ZNF229: variants seen among roughly 807,000 people sequenced by gnomAD.
ZNF229 encodes the protein zinc finger protein 229.
In ZNF229, 10 loss-of-function variants were observed where a neutral mutation model predicts 11.8. That is an observed-to-expected ratio of 0.85 (90% CI 0.52 to 1.44). The LOEUF (loss-of-function observed/expected upper bound fraction) is 1.44. ZNF229 is among the 40% of genes most tolerant of loss of function. The pLI, the probability that ZNF229 is intolerant of heterozygous loss-of-function variation, is 0.00. For synonymous variants in ZNF229, 368 were observed against 374.8 expected, an observed-to-expected ratio of 0.98 and a Z score of 0.21; for missense variants, 1,045 against 1,015.1, an observed-to-expected ratio of 1.03 and a Z score of -0.40.
At chr19:44,441,728 C>T (rs984073247) in intron 4 of ZNF229, among the ~76,000 whole-genome samples, 1 of 152,084 alleles carries the variant, frequency 6.6e-6, no homozygotes, top group Admixed American at 6.5e-5. Context: ...ACACATTTGG[C>T]TGTTATGAAT....
rs1028428794 is a variant in ZNF229, at chr19:44,428,612, A to G, written c.2169T>C (p.Tyr723=). 2 of 1,613,664 alleles carry G rather than the reference A, an allele frequency of 1.2e-6. No homozygotes were observed. The highest frequency in any genetic ancestry group is 1.3e-5 in the African/African-American group (1 of 74,718). ...TCCECGKGFR[Y]GSGLLSHKRV... ...TCTTATGACTAAGGAGACCTGAGCC[A>G]TATCTGAAACCCTTCCCACATTCAC... The change falls in exon 6 of 6, where the codon TAT becomes TAC. Residue 723 remains tyrosine (Y), a synonymous_variant. Coordinates refer to ENST00000614049, the MANE Select transcript of ZNF229 (RefSeq NM_014518.4).
In ZNF229 at chr19:44,428,060, T is replaced by G. The variant is rs867389230; in HGVS notation, c.*243A>C. 16 of 462,736 alleles carry G rather than the reference T, an allele frequency of 3.5e-5. No homozygotes were observed. The highest frequency in any genetic ancestry group is 1.2e-4 in the African/African-American group (6 of 51,606). 28.7% of individuals were successfully genotyped at this position (462,736 alleles called of 1,614,324 possible). On this transcript the variant is annotated 3_prime_UTR_variant, in exon 6 of 6. Coordinates refer to ENST00000614049, the MANE Select transcript of ZNF229 (RefSeq NM_014518.4). ...TGAGGATTATTACTGAAACCACTGC[T>G]GCACTGTTTCTTTAAAGCCTACTCC...
Position 44,426,537 on chromosome 19 carries a change from T to C in ZNF229, c.*1766A>G, listed in dbSNP as rs889994314. ...AATTGTTGTTCTAAAACTCTCCTGG[T>C]TCACTAAATACTTCATGAGCAACCT... is the stretch of plus-strand genomic sequence containing the variant. On this transcript the variant is annotated 3_prime_UTR_variant, in exon 6 of 6. Coordinates refer to ENST00000614049, the MANE Select transcript of ZNF229 (RefSeq NM_014518.4). 5 of 152,174 alleles carry C rather than the reference T, an allele frequency of 3.3e-5. No homozygotes were observed. The highest frequency in any genetic ancestry group is 1.2e-4 in the African/African-American group (5 of 41,408). 9.4% of individuals were successfully genotyped at this position (152,174 alleles called of 1,614,324 possible). A position where few individuals can be genotyped will look rare whatever the true frequency, so the allele number is the denominator to read the frequency against.
intron 4 of ZNF229, among the ~76,000 whole-genome samples, chr19:44,438,708 G>A (rs1038813723): frequency 2.0e-5 from 3 of 152,094 alleles, no homozygotes; most frequent in African/African-American, 7.2e-5. Context: ...GAGGAGCTGA[G>A]GGTGAAGTTG....
chr19:44,430,666 A>T, intron 5 of ZNF229, 124 bp from the exon 6 acceptor site: 1 of 871,076 alleles, frequency 1.1e-6, no homozygotes, highest in South Asian at 2.1e-5. Flanking sequence ...CATAACTATT[A>T]GAGCACTTAT....
rs755713702 is a variant in ZNF229, at chr19:44,429,798, C to T, written c.983G>A (p.Arg328Gln). The change falls in exon 6 of 6, where the codon CGG (arginine) becomes CAG (glutamine). Residue 328 changes from arginine to glutamine, a missense_variant. Arg to Gln is a conservative substitution (Grantham distance 43). Transcript: ENST00000614049. ...TATGTGCGTGTTCTGTCTGACGCCCCGACCACGCTCAAGACTCTTAACAGA... is the reference window on the plus strand; with the variant it reads ...TATGTGCGTGTTCTGTCTGACGCCCTGACCACGCTCAAGACTCTTAACAGA... ...EKSVKSLERG[R>Q]GVRQNTHIRN... The T allele has an allele frequency of 1.4e-5, 22 of 1,613,984 alleles. No homozygotes were observed. Among genetic ancestry groups the T allele is most frequent in the Admixed American group, 8.3e-5 (5 of 60,028 alleles).
At position 44,443,036 on chromosome 19, in the gene ZNF229, G is replaced by A. The variant is rs553836386; in HGVS notation, c.-177-12C>T. 1.4e-4 allele frequency: 93 copies of A among 646,864 alleles called. No homozygotes were observed. The South Asian group carries it at 1.7e-3, about 12-fold the overall frequency. The allele number at this position is 646,864 out of a possible 1,614,324, so 40.1% of individuals were successfully genotyped here. A position where few individuals can be genotyped will look rare whatever the true frequency, so the allele number is the denominator to read the frequency against. The stretch of plus-strand genomic sequence containing the variant: ...CATGGTCAGGGGACCTGTAGGTTCG[G>A]GAGGGAACTTTACTTAGTCCTTTCT... On this transcript the variant is annotated splice_polypyrimidine_tract_variant and intron_variant, in intron 2 of 5. Coordinates refer to ENST00000614049, the MANE Select transcript of ZNF229 (RefSeq NM_014518.4).
Position 44,430,560 on chromosome 19 carries a change from A to AT in ZNF229, c.239-19dup. 6.3e-7 allele frequency: 1 copy of AT among 1,592,154 alleles called. No individual in the cohort carries two copies. Among genetic ancestry groups the AT allele is most frequent in the Non-Finnish European group, 8.6e-7 (1 of 1,168,146 alleles). On this transcript the variant is annotated intron_variant, in intron 5 of 5. Transcript: ENST00000614049. ...CTTGTCTCCTATGAGGTTAAAGACA[A>AT]TTCAGAGATGAGAACTAGTAAAAGA...
rs940773672 is a variant in ZNF229 at position 44,429,133 on chromosome 19, C to T, written c.1648G>A (p.Gly550Arg). The T allele has an allele frequency of 9.9e-6, 16 of 1,611,526 alleles. No homozygotes were observed. Among genetic ancestry groups the T allele is most frequent in the African/African-American group, 4.1e-5 (3 of 74,042 alleles). ...TCGGAGCTCCGGCCAAAGCTCTTCC[C>T]GCACTCGCATTTGTAGGGTTTCTCT... The part of the protein sequence containing the change: ...TGEKPYKCEC[G>R]KSFGRSSDLH... Residue 550 changes from glycine (G) to arginine (R), a missense_variant, in exon 6 of 6, where the codon GGG becomes AGG. By Grantham distance (125) the Gly-to-Arg change is moderately radical. Coordinates refer to ENST00000614049, the MANE Select transcript of ZNF229 (RefSeq NM_014518.4).
rs567547192 is a variant in ZNF229 at position 44,426,837 on chromosome 19, C to T, written c.*1466G>A. The T allele has an allele frequency of 3.5e-4, 54 of 152,242 alleles. No homozygotes were observed. Among genetic ancestry groups the T allele is most frequent in the African/African-American group, 1.1e-3 (47 of 41,510 alleles). The allele number at this position is 152,242 out of a possible 1,614,324, so 9.4% of individuals were successfully genotyped here. On this transcript the variant is annotated 3_prime_UTR_variant, in exon 6 of 6. Transcript: ENST00000614049. ...AATGAATTCTTTTGAAAACAATGCA[C>T]GGATTTTCTCTCTCACCAATAAGTA...
At chr19:44,430,618 A>C in intron 5 of ZNF229, 76 bp from the exon 6 acceptor site, 1 of 1,372,552 alleles carries the variant, frequency 7.3e-7, no homozygotes, top group Non-Finnish European at 9.8e-7. Context: ...TCAGACTTGA[A>C]CTAATAATAG....
intron 3 of ZNF229, 32 bp downstream of exon 3, chr19:44,442,782 T>TGCCCCCCCCCCC: frequency 5.2e-6 from 8 of 1,545,166 alleles, no homozygotes; most frequent in South Asian, 1.1e-5. Flanking sequence ...GTTTGGATTC[T>TGCCCCCCCCCCC]CCCCCCACCC....
chr19:44,434,211 T>G (rs989755445), intron 4 of ZNF229, among the ~76,000 whole-genome samples: 3 of 152,182 alleles, frequency 2.0e-5, no homozygotes, highest in Non-Finnish European at 4.4e-5. Flanking sequence ...CCTAGTTTAC[T>G]GTGCCCATGC....
intron 4 of ZNF229, among the ~76,000 whole-genome samples, chr19:44,433,569 G>T (rs878970490): frequency 6.6e-6 from 1 of 151,608 alleles, no homozygotes. Flanking sequence ...CAACTCTCCC[G>T]CCACACTTCT....
rs893817299 is a variant in ZNF229 at position 44,440,203 on chromosome 19, C to T, written c.93+2360G>A. Among the ~76,000 whole-genome samples, 4 of 151,476 alleles carry T rather than the reference C, an allele frequency of 2.6e-5. No homozygotes were observed. The South Asian group carries it at 8.3e-4, about 32-fold the overall frequency. On this transcript the variant is annotated intron_variant, in intron 4 of 5. Transcript: ENST00000614049. ...AAGAAAAAAACAACTTAGAGCTTAG[C>T]CTAAACAGATGAATGAACATCCAAG...
At chr19:44,433,976 C>T (rs1447291670) in intron 4 of ZNF229, among the ~76,000 whole-genome samples, 1 of 152,090 alleles carries the variant, frequency 6.6e-6, no homozygotes, top group Non-Finnish European at 1.5e-5. Context: ...ACCATGTTAG[C>T]CAGGATGGTC....
At chr19:44,443,405 G>A (rs1971950359) in intron 2 of ZNF229, among the ~76,000 whole-genome samples, 1 of 152,132 alleles carries the variant, frequency 6.6e-6, no homozygotes, top group Non-Finnish European at 1.5e-5. Context: ...CCCATACTTA[G>A]GGATTATAGA....
Position 44,429,317 on chromosome 19 carries a change from G to A in ZNF229, c.1464C>T (p.Pro488=). 6.2e-7 allele frequency: 1 copy of A among 1,614,100 alleles called. No individual in the cohort carries two copies. The highest frequency in any genetic ancestry group is 8.5e-7 in the Non-Finnish European group (1 of 1,179,980). The change falls in exon 6 of 6, where the codon CCC becomes CCT. Residue 488 remains proline, a synonymous_variant. Transcript: ENST00000614049. ...CTTTGCCACACTTGTCACACTGGTA[G>A]GGCCTCTCGCCGGTGTGTGTCTTCT... ...SHQKTHTGER[P]YQCDKCGKGF...
At chr19:44,434,703 A>G (rs1289479972) in intron 4 of ZNF229, among the ~76,000 whole-genome samples, 2 of 152,194 alleles carry the variant, frequency 1.3e-5, no homozygotes, top group Non-Finnish European at 2.9e-5. Flanking sequence ...GCGACAAGGT[A>G]TTGCAAGTTA....
Sources: allele counts gnomAD v4.1 joint callset (sites outside exome capture counted in the v4.1 genomes callset), GRCh38; gene constraint gnomAD v4.1.1; transcripts MANE v1.5; gene names NCBI Gene and HGNC (gene_info 2026-07-23, HGNC 2026-07-21).